Variants in TACC1 observed in about 807,000 individuals in gnomAD.
The protein encoded by TACC1 is transforming acidic coiled-coil containing protein 1.
TACC1 carries 48 observed loss-of-function variants against 84.4 expected under a neutral mutation model. That is an observed-to-expected ratio of 0.57 (90% CI 0.45 to 0.72). TACC1 has a LOEUF of 0.72. TACC1 is among the 30% of genes least tolerant of loss of function. The probability of loss-of-function intolerance (pLI) is 0.00; values close to 1 mark genes in which losing one functional copy is unlikely to be tolerated. For synonymous variants in TACC1, 372 were observed against 376.3 expected, an observed-to-expected ratio of 0.99 and a Z score of 0.13; for missense variants, 920 against 973.0, an observed-to-expected ratio of 0.95 and a Z score of 0.72.
At chr8:38,791,739 G>A (rs893479629) in intron 2 of TACC1, among the ~76,000 whole-genome samples, 1 of 152,230 alleles carries the variant, frequency 6.6e-6, no homozygotes, top group Middle Eastern at 3.4e-3. Flanking sequence ...AATTATATAA[G>A]ACTAAATCAT....
intron 10 of TACC1, among the ~76,000 whole-genome samples, chr8:38,842,929 C>G (rs1442438947): frequency 3.9e-5 from 6 of 152,182 alleles, no homozygotes; most frequent in African/African-American, 1.4e-4. Flanking sequence ...CCATATCAAC[C>G]AGACACAATT....
At chr8:38,757,852 C>T (rs1810418776) in intron 3 of TACC1, among the ~76,000 whole-genome samples, 1 of 152,216 alleles carries the variant, frequency 6.6e-6, no homozygotes, top group Non-Finnish European at 1.5e-5. Flanking sequence ...GCAGTGCTTG[C>T]TGCTTGCAAG....
chr8:38,769,057 G>C (rs1193515249), intron 3 of TACC1, among the ~76,000 whole-genome samples: 1 of 149,558 alleles, frequency 6.7e-6, no homozygotes, highest in African/African-American at 2.5e-5. Flanking sequence ...GTGTGTGTGA[G>C]ACTGTTGTGG....
intron 3 of TACC1, among the ~76,000 whole-genome samples, chr8:38,749,937 A>T (rs915659361): frequency 6.6e-6 from 1 of 152,244 alleles, no homozygotes; most frequent in African/African-American, 2.4e-5. Context: ...GTAATTCAAC[A>T]AATTAATAGA....
intron 2 of TACC1, among the ~76,000 whole-genome samples, chr8:38,813,908 CAT>C (rs1321636329): frequency 3.3e-5 from 5 of 152,260 alleles, no homozygotes; most frequent in Admixed American, 1.3e-4. Flanking sequence ...AGGGGCGTTT[CAT>C]AGAAATTAAG....
chr8:38,817,917 CCT>C (rs1825782689), intron 2 of TACC1, among the ~76,000 whole-genome samples: 1 of 114,758 alleles, frequency 8.7e-6, no homozygotes, highest in African/African-American at 3.6e-5. Context: ...GTGAGAGACC[CCT>C]AAAAAAAAAA....
intron 3 of TACC1, among the ~76,000 whole-genome samples, chr8:38,747,024 A>C (rs1253812201): frequency 6.6e-6 from 1 of 152,236 alleles, no homozygotes; most frequent in Non-Finnish European, 1.5e-5. Flanking sequence ...GAGATTAATA[A>C]TTGTTTTTAA....
chr8:38,786,606 C>T (rs1363239304), upstream of TACC1, among the ~76,000 whole-genome samples: 1 of 152,118 alleles, frequency 6.6e-6, no homozygotes, highest in Non-Finnish European at 1.5e-5. Context: ...ATTTAGTACC[C>T]TTTACCTAAG....
chr8:38,772,249 G>C (rs1813788249), intron 3 of TACC1, among the ~76,000 whole-genome samples: 1 of 152,226 alleles, frequency 6.6e-6, no homozygotes, highest in African/African-American at 2.4e-5. Flanking sequence ...CTCATATACT[G>C]TGTTTACAAA....
At position 38,788,750 on chromosome 8, in the gene TACC1, A is replaced by G. The variant is rs761593927; in HGVS notation, c.208A>G (p.Ile70Val). The change falls in exon 2 of 13, where the codon ATC becomes GTC. Residue 70 changes from isoleucine to valine, a missense_variant. Ile to Val is a conservative substitution (Grantham distance 29). Coordinates refer to ENST00000317827, the MANE Select transcript of TACC1 (RefSeq NM_006283.3). ...TGAGACTCCTGAAGCTGAAACCCCG[A>G]TCCGATCACCTTTCAAGGAGTCCTG... ...NFETPEAETPIRSPFKESCDP... is the reference protein window; with the variant it reads ...NFETPEAETPVRSPFKESCDP... The G allele has an allele frequency of 6.2e-7, 1 of 1,614,066 alleles. No individual in the cohort carries two copies. Among genetic ancestry groups the G allele is most frequent in the South Asian group, 1.1e-5 (1 of 91,050 alleles).
chr8:38,745,469 T>A, exon 3 of TACC1: 1 of 688,496 alleles, frequency 1.5e-6, no homozygotes, highest in East Asian at 2.7e-5. Flanking sequence ...GACCTGGAGA[T>A]GAATAATATA....
At chr8:38,822,584 TCAA>T (rs1429922524) in intron 3 of TACC1, among the ~76,000 whole-genome samples, 3 of 152,228 alleles carry the variant, frequency 2.0e-5, no homozygotes, top group African/African-American at 7.2e-5. Flanking sequence ...TTTTACTTTA[TCAA>T]CTTTTAAATT....
intron 4 of TACC1, among the ~76,000 whole-genome samples, chr8:38,825,858 C>T (rs1286038729): frequency 6.6e-6 from 1 of 152,072 alleles, no homozygotes; most frequent in Non-Finnish European, 1.5e-5. Context: ...TTGAAAGGCA[C>T]TTATGTTACA....
rs957953892 is a variant in TACC1 at position 38,789,947 on chromosome 8, A to G, written c.277+1128A>G. Among the ~76,000 whole-genome samples, 4 of 152,348 alleles carry G rather than the reference A, an allele frequency of 2.6e-5. No homozygotes were observed. The East Asian group carries it at 7.7e-4, about 29-fold the overall frequency. The stretch of plus-strand genomic sequence containing the variant: ...TTGGTTTTCAGTAAGGTGGAAAGCC[A>G]CTGGAGGGCATATGCATTTCCAAGG... On this transcript the variant is annotated intron_variant, in intron 2 of 12. Transcript: ENST00000317827.
rs1826342682 is a variant in TACC1, at chr8:38,820,037, C to G, written c.793C>G (p.His265Asp). The change falls in exon 3 of 13, where the codon CAC becomes GAC. Residue 265 changes from histidine (H) to aspartate (D), a missense_variant. Physicochemically the swap from His to Asp is moderately conservative, Grantham distance 81 (BLOSUM62 -1). This residue lies in a region of TACC1 where 762 missense variants were observed against 747.3 expected (regional missense o/e 1.02). Transcript: ENST00000317827. The stretch of plus-strand genomic sequence containing the variant: ...CACACCTCTCCCCAAGGCATCCTAT[C>G]ACTTCAGTCCTGAAGAGTTGGATGA... Reference protein sequence around the residue: ...EGTPLPKASYHFSPEELDENT... With the variant: ...EGTPLPKASYDFSPEELDENT... 6.2e-7 allele frequency: 1 copy of G among 1,613,982 alleles called. No individual in the cohort carries two copies. Among genetic ancestry groups the G allele is most frequent in the Non-Finnish European group, 8.5e-7 (1 of 1,180,044 alleles).
At chr8:38,750,578 AG>A (rs1272871709) in intron 3 of TACC1, among the ~76,000 whole-genome samples, 1 of 152,224 alleles carries the variant, frequency 6.6e-6, no homozygotes, top group African/African-American at 2.4e-5. Flanking sequence ...CCACAATAAA[AG>A]CTATTAGAGG....
Position 38,851,857 on chromosome 8 carries a change from C to T in TACC1, c.*3834C>T. On this transcript the variant is annotated 3_prime_UTR_variant, in exon 13 of 13. Coordinates refer to ENST00000317827, the MANE Select transcript of TACC1 (RefSeq NM_006283.3). ...AGTCTGGGAATCCCAGAATGTCAAG[C>T]CAAAGGTCTAAGAAGTCATCTCCTT... 1 of 448,354 alleles carries T rather than the reference C, an allele frequency of 2.2e-6. No homozygotes were observed. The highest frequency in any genetic ancestry group is 4.5e-6 in the Non-Finnish European group (1 of 222,840). 27.8% of individuals were successfully genotyped at this position (448,354 alleles called of 1,614,324 possible). A position where few individuals can be genotyped will look rare whatever the true frequency, so the allele number is the denominator to read the frequency against.
At chr8:38,821,570 G>C (rs953917234) in intron 3 of TACC1, among the ~76,000 whole-genome samples, 11 of 152,322 alleles carry the variant, frequency 7.2e-5, no homozygotes, top group Middle Eastern at 3.4e-3. Flanking sequence ...TAAATGATCA[G>C]TTAAAACTGA....
intron 2 of TACC1, among the ~76,000 whole-genome samples, chr8:38,801,739 G>T (rs1275272240): frequency 3.9e-5 from 6 of 152,132 alleles, no homozygotes; most frequent in Non-Finnish European, 7.4e-5. Flanking sequence ...GAATCAGTCT[G>T]TTAATTTTTG....
Sources: allele counts gnomAD v4.1 joint callset (sites outside exome capture counted in the v4.1 genomes callset), GRCh38; gene constraint gnomAD v4.1.1; regional missense constraint gnomAD v4.1.1; transcripts MANE v1.5; gene names NCBI Gene and HGNC (gene_info 2026-07-23, HGNC 2026-07-21).